ESRRG: variants seen among roughly 807,000 people sequenced by gnomAD.
The protein encoded by ESRRG is estrogen related receptor gamma.
A neutral mutation model predicts 44.0 loss-of-function variants in ESRRG; 13 were observed. That is an observed-to-expected ratio of 0.30 (90% CI 0.19 to 0.47). The LOEUF (loss-of-function observed/expected upper bound fraction) is 0.47, where lower values mean the gene tolerates loss of function less well. ESRRG is among the 20% of genes least tolerant of loss of function. The pLI, the probability that ESRRG is intolerant of heterozygous loss-of-function variation, is 1.00. For missense variants in ESRRG, 395 were observed against 580.6 expected, an observed-to-expected ratio of 0.68 and a Z score of 3.29; for synonymous variants, 215 against 214.6, an observed-to-expected ratio of 1.00 and a Z score of -0.02.
intron 2 of ESRRG, among the ~76,000 whole-genome samples, chr1:216,673,209 T>A (rs2075517817): frequency 6.6e-6 from 1 of 152,230 alleles, no homozygotes; most frequent in Admixed American, 6.5e-5. Flanking sequence ...TGGGCCACAC[T>A]CAACATCTTT....
intron 1 of ESRRG, among the ~76,000 whole-genome samples, chr1:216,998,760 T>C (rs2076672507): frequency 6.6e-6 from 1 of 152,216 alleles, no homozygotes; most frequent in African/African-American, 2.4e-5. Flanking sequence ...TCCAAGGTAT[T>C]GGACAAGTAA....
intron 6 of ESRRG, among the ~76,000 whole-genome samples, chr1:216,510,853 G>A (rs546467926): frequency 2.0e-5 from 3 of 152,136 alleles, no homozygotes; most frequent in East Asian, 1.9e-4. Flanking sequence ...CAGCCTGGGC[G>A]ACAGAGCCAG....
chr1:217,130,254 A>AG (rs996851039), intron 1 of ESRRG, among the ~76,000 whole-genome samples: 3 of 152,106 alleles, frequency 2.0e-5, no homozygotes, highest in Non-Finnish European at 2.9e-5. Flanking sequence ...TTATAGAGAG[A>AG]GGGGGTCTCA....
intron 3 of ESRRG, among the ~76,000 whole-genome samples, chr1:216,612,297 T>C (rs2060782207): frequency 6.6e-6 from 1 of 151,962 alleles, no homozygotes; most frequent in Admixed American, 6.6e-5. Context: ...TAGCAATCTG[T>C]ATATTTAATA....
intron 2 of ESRRG, among the ~76,000 whole-genome samples, chr1:216,758,927 C>A (rs957213342): frequency 6.6e-6 from 1 of 151,742 alleles, no homozygotes; most frequent in Admixed American, 6.6e-5. Context: ...GCCAAATAAC[C>A]CCTAAGAAGG....
intron 1 of ESRRG, among the ~76,000 whole-genome samples, chr1:216,984,737 G>A (rs2074584162): frequency 6.6e-6 from 1 of 152,086 alleles, no homozygotes; most frequent in Non-Finnish European, 1.5e-5. Flanking sequence ...CATAATCCTT[G>A]GTTATTCACA....
At chr1:216,524,855 G>C (rs2047153416) in intron 5 of ESRRG, among the ~76,000 whole-genome samples, 1 of 152,142 alleles carries the variant, frequency 6.6e-6, no homozygotes, top group Non-Finnish European at 1.5e-5. Context: ...AATGATCTAA[G>C]CAGTTGTGAG....
intron 1 of ESRRG, among the ~76,000 whole-genome samples, chr1:217,078,822 G>A (rs1438790349): frequency 2.0e-5 from 3 of 152,074 alleles, no homozygotes; most frequent in African/African-American, 4.8e-5. Context: ...ATGTAAGATC[G>A]GGTAGTCTGG....
intron 2 of ESRRG, among the ~76,000 whole-genome samples, chr1:216,651,331 T>C (rs931420403): frequency 4.6e-5 from 7 of 152,146 alleles, no homozygotes; most frequent in African/African-American, 1.7e-4. Context: ...AAATTAGCCT[T>C]CAAAACATTA....
At chr1:216,617,549 TGTA>T (rs2061586830) in intron 3 of ESRRG, among the ~76,000 whole-genome samples, 1 of 150,658 alleles carries the variant, frequency 6.6e-6, no homozygotes, top group Admixed American at 6.6e-5. Context: ...TGTGAGGAAA[TGTA>T]GTATCATACA....
At chr1:217,084,938 A>G (rs2091987479) in intron 1 of ESRRG, among the ~76,000 whole-genome samples, 1 of 152,160 alleles carries the variant, frequency 6.6e-6, no homozygotes, top group South Asian at 2.1e-4. Context: ...ACTATAAATG[A>G]TTATTCTTCA....
intron 2 of ESRRG, among the ~76,000 whole-genome samples, chr1:216,798,911 C>G (rs922530988): frequency 6.6e-6 from 1 of 151,960 alleles, no homozygotes; most frequent in Non-Finnish European, 1.5e-5. Context: ...TTAATAATAC[C>G]AGTTAAGTGA....
intron 1 of ESRRG, among the ~76,000 whole-genome samples, chr1:216,701,071 C>A (rs2081299762): frequency 6.6e-6 from 1 of 152,142 alleles, no homozygotes; most frequent in Admixed American, 6.5e-5. Flanking sequence ...AGTAAAATCT[C>A]AGTTTTGTAC....
Position 216,519,331 on chromosome 1 carries a change from A to G in ESRRG, c.953T>C (p.Leu318Pro). 6.2e-7 allele frequency: 1 copy of G among 1,613,884 alleles called. No individual in the cohort carries two copies. Among genetic ancestry groups the G allele is most frequent in the Non-Finnish European group, 8.5e-7 (1 of 1,179,848 alleles). ...ATAGACAAGTTCATCCTCAAACGAAAGAGACCGGTATACGACACCAAGGAT... is the reference window on the plus strand; with the variant it reads ...ATAGACAAGTTCATCCTCAAACGAAGGAGACCGGTATACGACACCAAGGAT... ...ILILGVVYRS[L>P]SFEDELVYAD... The change falls in exon 6 of 7, where the codon CTT becomes CCT. Residue 318 changes from leucine (L) to proline (P), a missense_variant. Leu to Pro is a moderately conservative substitution (Grantham distance 98). Transcript: ENST00000408911.
intron 1 of ESRRG, among the ~76,000 whole-genome samples, chr1:217,008,012 T>TTA (rs2077999139): frequency 6.6e-6 from 1 of 152,210 alleles, no homozygotes; most frequent in Admixed American, 6.5e-5. Context: ...TAGTCTCACA[T>TTA]TATAGTCTTA....
intron 2 of ESRRG, among the ~76,000 whole-genome samples, chr1:216,780,199 C>T (rs1455903260): frequency 1.3e-5 from 2 of 151,940 alleles, no homozygotes; most frequent in East Asian, 3.9e-4. Flanking sequence ...ATAAATACCA[C>T]CAGGGCCTAT....
intron 2 of ESRRG, among the ~76,000 whole-genome samples, chr1:216,809,624 G>A (rs12146000): frequency 0.01 from 1,562 of 152,274 alleles, 24 homozygotes; most frequent in East Asian, 0.06. Flanking sequence ...AAATTCCTCA[G>A]AAATGTTTTC....
chr1:216,546,468 C>T (rs1310272598), intron 5 of ESRRG, among the ~76,000 whole-genome samples: 4 of 151,986 alleles, frequency 2.6e-5, no homozygotes, highest in African/African-American at 4.8e-5. Context: ...GCTTCATGGG[C>T]GTGCAAACTG....
At chr1:216,987,670 G>A (rs957976370) in intron 1 of ESRRG, among the ~76,000 whole-genome samples, 1 of 152,114 alleles carries the variant, frequency 6.6e-6, no homozygotes, top group Non-Finnish European at 1.5e-5. Context: ...GCACTCCCTG[G>A]GAACAGCAGG....
Sources: gnomAD v4.1 joint callset for allele counts (sites outside exome capture counted in the v4.1 genomes callset) on GRCh38, gnomAD v4.1.1 for gene constraint, MANE v1.5 for transcripts, NCBI Gene and HGNC (gene_info 2026-07-23, HGNC 2026-07-21) for gene names.